Variants in PRICKLE1 observed in about 807,000 individuals in gnomAD.
PRICKLE1 encodes prickle-like protein 1.
A neutral mutation model predicts 70.2 loss-of-function variants in PRICKLE1; 14 were observed. The observed-to-expected ratio is 0.20, with a 90% CI of 0.13 to 0.31. PRICKLE1 has a LOEUF of 0.31. Ranked by LOEUF, PRICKLE1 falls within the 10% of genes least tolerant of loss-of-function variation. The probability of loss-of-function intolerance (pLI) is 1.00; values close to 1 mark genes in which losing one functional copy is unlikely to be tolerated. For synonymous variants in PRICKLE1, 357 were observed against 379.9 expected (o/e 0.94, Z 0.70); for missense variants, 821 against 1,026.2 (o/e 0.80, Z 2.73).
chr12:42,528,095 A>G (rs953428918), intron 1 of PRICKLE1, among the ~76,000 whole-genome samples: 14 of 151,924 alleles, frequency 9.2e-5, no homozygotes, highest in African/African-American at 3.1e-4. Flanking sequence ...TAACTTACTT[A>G]TTTGAGACAG....
At chr12:42,508,064 A>C (rs1350878558) in intron 1 of PRICKLE1, among the ~76,000 whole-genome samples, 2 of 152,236 alleles carry the variant, frequency 1.3e-5, no homozygotes, top group Non-Finnish European at 2.9e-5. Flanking sequence ...ATGGCGATTT[A>C]GATACCATTT....
chr12:42,518,411 G>A (rs1939647624), intron 1 of PRICKLE1, among the ~76,000 whole-genome samples: 1 of 152,092 alleles, frequency 6.6e-6, no homozygotes, highest in East Asian at 1.9e-4. Flanking sequence ...TTATACCCTG[G>A]AGAATTTCTT....
chr12:42,466,132 T>C (rs1938085728), intron 6 of PRICKLE1, 62 bp downstream of exon 6: 1 of 1,554,260 alleles, frequency 6.4e-7, no homozygotes, highest in South Asian at 1.1e-5. Flanking sequence ...AAAATAAGAC[T>C]GGATAATCCA....
chr12:42,466,225 C>A lies in PRICKLE1; in HGVS notation c.744G>T (p.Ala248=). The change falls in exon 6 of 8, where the codon GCG becomes GCT. Residue 248 remains alanine, a synonymous_variant. Transcript: ENST00000345127. ...FCCGCFESLY[A]EYCETCGEHI... Reference sequence around the variant, plus strand: ...GTTCCCCACAGGTTTCACAGTACTCCGCATAGAGAGACTCAAAACAGCCAC... The same window carrying A: ...GTTCCCCACAGGTTTCACAGTACTCAGCATAGAGAGACTCAAAACAGCCAC... The A allele has an allele frequency of 6.2e-7, 1 of 1,614,158 alleles. No homozygotes were observed. Among genetic ancestry groups the A allele is most frequent in the Non-Finnish European group, 8.5e-7 (1 of 1,180,040 alleles).
intron 1 of PRICKLE1, among the ~76,000 whole-genome samples, chr12:42,511,774 C>G (rs751682639): frequency 7.2e-5 from 11 of 152,196 alleles, no homozygotes; most frequent in Non-Finnish European, 1.5e-4. Context: ...TAGGGAACAG[C>G]TTGATCTCTT....
intron 1 of PRICKLE1, among the ~76,000 whole-genome samples, chr12:42,476,899 C>T (rs1283726684): frequency 4.5e-5 from 6 of 133,034 alleles, no homozygotes; most frequent in Admixed American, 2.2e-4. Flanking sequence ...ATCCTCCTGC[C>T]TCGGCCTCCC....
intron 1 of PRICKLE1, among the ~76,000 whole-genome samples, chr12:42,524,261 A>G (rs1939762355): frequency 6.6e-6 from 1 of 152,234 alleles, no homozygotes; most frequent in South Asian, 2.1e-4. Flanking sequence ...TCTACATTTT[A>G]GCTATGTAAT....
intron 1 of PRICKLE1, among the ~76,000 whole-genome samples, chr12:42,523,499 G>A (rs942695597): frequency 6.6e-6 from 1 of 152,178 alleles, no homozygotes; most frequent in Non-Finnish European, 1.5e-5. Context: ...AGAATAGACT[G>A]ATATTAACTA....
chr12:42,543,129 T>C (rs1442956945), intron 1 of PRICKLE1, among the ~76,000 whole-genome samples: 1 of 152,234 alleles, frequency 6.6e-6, no homozygotes, highest in Non-Finnish European at 1.5e-5. Flanking sequence ...TCTTCAGCCC[T>C]GTGAGAAATA....
intron 1 of PRICKLE1, among the ~76,000 whole-genome samples, chr12:42,574,907 T>C (rs79281468): frequency 7.1e-6 from 1 of 139,958 alleles, no homozygotes; most frequent in Non-Finnish European, 1.6e-5. Context: ...TTGGTAAAGC[T>C]TTTTTTTTTT....
intron 1 of PRICKLE1, among the ~76,000 whole-genome samples, chr12:42,504,062 C>T (rs761899249): frequency 1.3e-5 from 2 of 151,978 alleles, no homozygotes; most frequent in Non-Finnish European, 2.9e-5. Context: ...TAAATGATAC[C>T]AGAATATCAA....
chr12:42,563,900 G>C (rs1940573106), intron 1 of PRICKLE1, among the ~76,000 whole-genome samples: 1 of 151,910 alleles, frequency 6.6e-6, no homozygotes, highest in South Asian at 2.1e-4. Context: ...GCACAAACCA[G>C]AATGTAATTT....
At chr12:42,503,457 C>T (rs1037684791) in intron 1 of PRICKLE1, among the ~76,000 whole-genome samples, 16 of 152,140 alleles carry the variant, frequency 1.1e-4, no homozygotes, top group African/African-American at 2.7e-4. Context: ...CTAAAATCCC[C>T]GGAATTTTCC....
chr12:42,544,851 A>G (rs1940178798), intron 1 of PRICKLE1, among the ~76,000 whole-genome samples: 1 of 152,186 alleles, frequency 6.6e-6, no homozygotes. Flanking sequence ...TCAAAATAAT[A>G]TGTAGAGACT....
intron 1 of PRICKLE1, among the ~76,000 whole-genome samples, chr12:42,527,961 ATATATATATATC>A (rs1287414250): frequency 0.23 from 3,888 of 17,236 alleles, 384 homozygotes; most frequent in Non-Finnish European, 0.29. Flanking sequence ...ATATATATAT[ATATATATATATC>A]TCCAAAGTTT....
chr12:42,567,666 A>G (rs1203863170), intron 1 of PRICKLE1, among the ~76,000 whole-genome samples: 1 of 152,058 alleles, frequency 6.6e-6, no homozygotes, highest in Non-Finnish European at 1.5e-5. Flanking sequence ...CGTCTCTACT[A>G]AAAATACAAA....
At chr12:42,565,619 T>C (rs1179399797) in intron 1 of PRICKLE1, among the ~76,000 whole-genome samples, 2 of 152,224 alleles carry the variant, frequency 1.3e-5, no homozygotes, top group Admixed American at 1.3e-4. Context: ...AAAGCAGTCA[T>C]ACAGAGCTTG....
chr12:42,556,684 T>C (rs892754489), intron 1 of PRICKLE1, among the ~76,000 whole-genome samples: 15 of 152,224 alleles, frequency 9.9e-5, no homozygotes, highest in East Asian at 1.9e-4. Flanking sequence ...GAAGTTTATA[T>C]AGTCAAGTTT....
intron 1 of PRICKLE1, among the ~76,000 whole-genome samples, chr12:42,495,559 A>G (rs952341362): frequency 6.7e-6 from 1 of 150,328 alleles, no homozygotes; most frequent in Non-Finnish European, 1.5e-5. Context: ...TTCTCTTGAT[A>G]TTTCTGCAGT....
Sources: gnomAD v4.1 joint callset for allele counts (sites outside exome capture counted in the v4.1 genomes callset) on GRCh38, gnomAD v4.1.1 for gene constraint, MANE v1.5 for transcripts, NCBI Gene and HGNC (gene_info 2026-07-23, HGNC 2026-07-21) for gene names.